Variants in TEAD1 observed in about 807,000 individuals in gnomAD.
The protein encoded by TEAD1 is TEA domain transcription factor 1.
A neutral mutation model predicts 54.9 loss-of-function variants in TEAD1; 9 were observed. The ratio of observed to expected loss-of-function variants is 0.16; its 90% CI spans 0.10 to 0.29. TEAD1 has a LOEUF of 0.29. Among genes scored for constraint, TEAD1 ranks in the 10% least tolerant of loss-of-function variants. TEAD1 has a pLI of 1.00. For missense variants in TEAD1, 387 were observed against 535.9 expected (o/e 0.72, Z 2.74); for synonymous variants, 200 against 187.8 (o/e 1.07, Z -0.53).
intron 9 of TEAD1, among the ~76,000 whole-genome samples, chr11:12,890,095 C>T (rs528110690): frequency 6.6e-6 from 1 of 152,262 alleles, no homozygotes; most frequent in South Asian, 2.1e-4. Context: ...GTATGCTGAG[C>T]ATTATGTCCA....
chr11:12,859,843 A>G (rs1226131490), intron 3 of TEAD1, among the ~76,000 whole-genome samples: 1 of 152,202 alleles, frequency 6.6e-6, no homozygotes, highest in Non-Finnish European at 1.5e-5. Context: ...ATATCAGAAG[A>G]CGAGCCCGTA....
At chr11:12,796,290 G>T (rs547448838) in intron 3 of TEAD1, among the ~76,000 whole-genome samples, 1 of 152,172 alleles carries the variant, frequency 6.6e-6, no homozygotes, top group African/African-American at 2.4e-5. Context: ...GTCAGTGCTT[G>T]TTGAATTAAA....
chr11:12,887,094 TTTG>T (rs1208025111), intron 9 of TEAD1, among the ~76,000 whole-genome samples: 1 of 346 alleles, frequency 2.9e-3, no homozygotes, highest in South Asian at 0.062. Flanking sequence ...TTTTTTTTTG[TTTG>T]TTTTTTTTTT....
In TEAD1 at chr11:12,866,598, A is replaced by G. The variant is rs57557209; in HGVS notation, c.330+1698A>G. 3.8e-3 allele frequency among the ~76,000 whole-genome samples: 578 copies of G among 152,356 alleles called. 5 individuals carry two copies. The highest frequency in any genetic ancestry group is 0.013 in the African/African-American group (528 of 41,586). ...AAAAAATTAACAATAATAAAAAAGA[A>G]ACATTCCCCTGACTTTCAGCCCTGG... is the stretch of plus-strand genomic sequence containing the variant. On this transcript the variant is annotated intron_variant, in intron 5 of 12. Coordinates refer to ENST00000527636, the MANE Select transcript of TEAD1 (RefSeq NM_021961.6).
At chr11:12,801,288 T>C (rs1946055552) in intron 3 of TEAD1, among the ~76,000 whole-genome samples, 1 of 152,314 alleles carries the variant, frequency 6.6e-6, no homozygotes, top group African/African-American at 2.4e-5. Context: ...GATGGGCTAT[T>C]GTGGACAGAG....
intron 9 of TEAD1, among the ~76,000 whole-genome samples, chr11:12,899,948 G>A (rs1011617903): frequency 4.6e-5 from 7 of 152,236 alleles, no homozygotes; most frequent in Admixed American, 1.3e-4. Flanking sequence ...AGATCCAAAT[G>A]TGGGTAGCAG....
intron 10 of TEAD1, among the ~76,000 whole-genome samples, chr11:12,908,883 G>GTTTTTGTTTTTTTTTTTTTT (rs769023879): frequency 7.0e-5 from 7 of 99,668 alleles, no homozygotes; most frequent in African/African-American, 9.6e-5. Context: ...CAAATTATCT[G>GTTTTTGTTTTTTTTTTTTTT]TTTTTTTTTT....
chr11:12,915,197 A>G (rs1026579763), intron 10 of TEAD1, among the ~76,000 whole-genome samples: 1 of 152,074 alleles, frequency 6.6e-6, no homozygotes, highest in Non-Finnish European at 1.5e-5. Context: ...CTTAGAGGTT[A>G]TCTGCTTGCC....
At chr11:12,903,988 G>A (rs1948469425) in intron 10 of TEAD1, among the ~76,000 whole-genome samples, 1 of 152,124 alleles carries the variant, frequency 6.6e-6, no homozygotes, top group Non-Finnish European at 1.5e-5. Context: ...ATGGTAACAG[G>A]GTAGCTTTCA....
intron 10 of TEAD1, among the ~76,000 whole-genome samples, chr11:12,909,704 G>A (rs548187540): frequency 1.8e-4 from 27 of 152,274 alleles, no homozygotes; most frequent in African/African-American, 6.5e-4. Flanking sequence ...GGTTGTGACT[G>A]GTTATTATCA....
At chr11:12,864,801 C>T (rs759610839) in intron 4 of TEAD1, 37 bp from the exon 5 acceptor site, 4 of 1,613,678 alleles carry the variant, frequency 2.5e-6, no homozygotes, top group Non-Finnish European at 3.4e-6. Context: ...TGGTTACAGG[C>T]TTTTCCTTTG....
intron 2 of TEAD1, among the ~76,000 whole-genome samples, chr11:12,714,135 A>G (rs1372307848): frequency 2.0e-5 from 3 of 152,180 alleles, no homozygotes; most frequent in Admixed American, 2.0e-4. Flanking sequence ...CTGGGCAGGC[A>G]GGAACTCGGG....
At chr11:12,849,498 T>C (rs573884677) in intron 3 of TEAD1, 34 of 152,348 alleles carry the variant, frequency 2.2e-4, no homozygotes, top group African/African-American at 8.2e-4. Context: ...ATTAGATTAC[T>C]GAGTGCCTAG....
At chr11:12,791,213 A>G (rs1227759695) in intron 3 of TEAD1, among the ~76,000 whole-genome samples, 3 of 152,158 alleles carry the variant, frequency 2.0e-5, no homozygotes, top group East Asian at 1.9e-4. Flanking sequence ...GGCCTCTCTC[A>G]TTTATAACTT....
At chr11:12,846,214 T>C (rs1405166323) in intron 3 of TEAD1, among the ~76,000 whole-genome samples, 1 of 152,192 alleles carries the variant, frequency 6.6e-6, no homozygotes, top group Non-Finnish European at 1.5e-5. Flanking sequence ...CTGAACAAAA[T>C]GTTGCCTGCA....
chr11:12,831,801 G>C (rs59561620), intron 3 of TEAD1, among the ~76,000 whole-genome samples: 1 of 151,372 alleles, frequency 6.6e-6, no homozygotes, highest in Non-Finnish European at 1.5e-5. Flanking sequence ...AAAAAATGTA[G>C]AGTCTCAGTT....
At chr11:12,750,691 C>T (rs185481370) in intron 2 of TEAD1, among the ~76,000 whole-genome samples, 2 of 152,240 alleles carry the variant, frequency 1.3e-5, no homozygotes, top group South Asian at 2.1e-4. Flanking sequence ...ATTGACTCAG[C>T]TTACATTTTC....
intron 2 of TEAD1, among the ~76,000 whole-genome samples, chr11:12,717,010 A>G (rs1424453214): frequency 1.3e-5 from 2 of 152,230 alleles, no homozygotes; most frequent in Non-Finnish European, 2.9e-5. Context: ...TCAGCTGCCC[A>G]CAATGTGGGT....
chr11:12,772,762 T>C (rs1388411596), intron 3 of TEAD1, among the ~76,000 whole-genome samples: 2 of 152,184 alleles, frequency 1.3e-5, no homozygotes, highest in African/African-American at 4.8e-5. Flanking sequence ...AAGCGGGATA[T>C]TGGCATCCAC....
Sources: gnomAD v4.1 joint callset for allele counts (sites outside exome capture counted in the v4.1 genomes callset) on GRCh38, gnomAD v4.1.1 for gene constraint, MANE v1.5 for transcripts, NCBI Gene and HGNC (gene_info 2026-07-23, HGNC 2026-07-21) for gene names.